Variants in TPO observed in about 807,000 individuals in gnomAD.
The protein encoded by TPO is thyroid peroxidase, also known as thyroid microsomal antigen.
Under a neutral mutation model 96.9 loss-of-function variants are expected in TPO, and 78 were observed. The ratio of observed to expected loss-of-function variants is 0.81; its 90% confidence interval spans 0.67 to 0.97. TPO has a LOEUF of 0.97. Among genes scored for constraint, TPO ranks in the 50% least tolerant of loss-of-function variants. TPO has a pLI of 0.00. For synonymous variants in TPO, 547 were observed against 538.0 expected (o/e 1.02, Z -0.23); for missense variants, 1,252 against 1,274.8 (o/e 0.98, Z 0.27).
intron 5 of TPO, among the ~76,000 whole-genome samples, chr2:1,441,191 G>A (rs1165809507): frequency 6.6e-6 from 1 of 152,084 alleles, no homozygotes; most frequent in African/African-American, 2.4e-5. Flanking sequence ...AATAGGGCAG[G>A]GTCCTTCTTG....
intron 3 of TPO, among the ~76,000 whole-genome samples, chr2:1,429,955 A>C (rs1234041663): frequency 6.6e-6 from 1 of 152,220 alleles, no homozygotes; most frequent in Non-Finnish European, 1.5e-5. Context: ...ACTTGATAGA[A>C]AACAATATCC....
At position 1,414,677 on chromosome 2, in the gene TPO, T is replaced by C. The variant is rs28909992; in HGVS notation, c.94+175T>C. 7.6e-3 allele frequency among the ~76,000 whole-genome samples: 1,160 copies of C among 152,314 alleles called. 14 individuals are homozygous for C. Among genetic ancestry groups the C allele is most frequent in the African/African-American group, 0.026 (1,063 of 41,562 alleles). On this transcript the variant is annotated intron_variant, in intron 2 of 16. Transcript: ENST00000329066. ...TTGATTTTAGAAGGATTGAAATATG[T>C]ACATTTCTTTCTTTAAAAAAGAGCT...
chr2:1,475,549 G>T (rs1018382693), intron 7 of TPO, among the ~76,000 whole-genome samples: 1 of 151,656 alleles, frequency 6.6e-6, no homozygotes, highest in Non-Finnish European at 1.5e-5. Context: ...TCAGCCTCCC[G>T]AGTAGCTGGG....
chr2:1,518,160 A>C (rs1167219557), intron 15 of TPO, among the ~76,000 whole-genome samples: 1 of 152,190 alleles, frequency 6.6e-6, no homozygotes, highest in Non-Finnish European at 1.5e-5. Context: ...TTCCCACTCT[A>C]AGGCCATCTT....
intron 15 of TPO, among the ~76,000 whole-genome samples, chr2:1,521,544 G>C (rs1675265934): frequency 6.6e-6 from 1 of 152,126 alleles, no homozygotes; most frequent in African/African-American, 2.4e-5. Flanking sequence ...GAGACGGCCT[G>C]AGTCTCTTGA....
intron 3 of TPO, among the ~76,000 whole-genome samples, chr2:1,432,449 C>T (rs187273565): frequency 1.3e-5 from 2 of 152,212 alleles, no homozygotes; most frequent in African/African-American, 4.8e-5. Flanking sequence ...AGGCCAGGTG[C>T]TTGTGTGGGA....
chr2:1,422,391 G>GCCTCTC (rs1663825579), intron 2 of TPO, among the ~76,000 whole-genome samples: 2 of 51,906 alleles, frequency 3.9e-5, no homozygotes, highest in African/African-American at 2.1e-4. Context: ...CAGGCGCCGC[G>GCCTCTC]CTGGGCCATG....
intron 7 of TPO, among the ~76,000 whole-genome samples, chr2:1,461,380 C>T (rs1342315075): frequency 6.6e-6 from 1 of 152,206 alleles, no homozygotes; most frequent in Non-Finnish European, 1.5e-5. Context: ...GATTTTAAAG[C>T]AAGTTAAAGA....
In TPO at chr2:1,413,539, A is replaced by G. The variant is rs183289800; in HGVS notation, c.-8A>G. 2 of 446,414 alleles carry G rather than the reference A, an allele frequency of 4.5e-6. No individual in the cohort carries two copies. Among genetic ancestry groups the G allele is most frequent in the Non-Finnish European group, 5.9e-6 (2 of 337,366 alleles). The allele number at this position is 446,414 out of a possible 1,614,324, so 27.7% of individuals were successfully genotyped here. A position where few individuals can be genotyped will look rare whatever the true frequency, so the allele number is the denominator to read the frequency against. On this transcript the variant is annotated 5_prime_UTR_variant, in exon 1 of 17. Coordinates refer to ENST00000329066, the MANE Select transcript of TPO (RefSeq NM_001206744.2). ...AGCAGTGCAGTTGGCTGAGAAGAGG[A>G]AAAAAGGTCAGGTTGTAAAGCTTTT...
intron 10 of TPO, among the ~76,000 whole-genome samples, chr2:1,490,077 C>T (rs1428695220): frequency 1.4e-5 from 1 of 74,032 alleles, no homozygotes; most frequent in South Asian, 6.4e-4. Flanking sequence ...GAGGGTCCCA[C>T]ACAGGGGGAG....
intron 3 of TPO, among the ~76,000 whole-genome samples, chr2:1,423,885 C>G (rs926344765): frequency 1.3e-5 from 2 of 152,156 alleles, no homozygotes; most frequent in African/African-American, 4.8e-5. Flanking sequence ...TTCTCATAAA[C>G]TCACGCACAC....
intron 1 of TPO, among the ~76,000 whole-genome samples, chr2:1,380,165 T>G: frequency 6.6e-6 from 1 of 151,984 alleles, no homozygotes; most frequent in East Asian, 1.9e-4. Context: ...GAGGCCGAGG[T>G]GGGCGGATCA....
chr2:1,408,886 C>T (rs1221063005), upstream of TPO, among the ~76,000 whole-genome samples: 1 of 152,162 alleles, frequency 6.6e-6, no homozygotes, highest in Admixed American at 6.5e-5. Context: ...ACATCTCCAC[C>T]TTTAGAAAGA....
chr2:1,526,967 A>G, intron 15 of TPO, among the ~76,000 whole-genome samples: 1 of 126,666 alleles, frequency 7.9e-6, no homozygotes, highest in African/African-American at 3.2e-5. Flanking sequence ...ACTCTGTGCA[A>G]CCTACTCAAA....
At chr2:1,384,715 C>A (rs1055722178) in intron 1 of TPO, among the ~76,000 whole-genome samples, 69 of 152,242 alleles carry the variant, frequency 4.5e-4, no homozygotes, top group African/African-American at 1.6e-3. Context: ...CTTTCTCCTG[C>A]CTGATTTCCC....
In TPO at chr2:1,540,666, A is replaced by C; in HGVS notation, c.2691A>C (p.Gly897=). 7 of 1,613,486 alleles carry C rather than the reference A, an allele frequency of 4.3e-6. No individual in the cohort carries two copies. The highest frequency in any genetic ancestry group is 5.9e-6 in the Non-Finnish European group (7 of 1,180,026). Residue 897 remains glycine (G), a synonymous_variant, in exon 16 of 17, where the codon GGA becomes GGC. Transcript: ENST00000329066. The part of the protein sequence containing the change: ...TGGGTPELRC[G]KHQAVGTSPQ... ...GAGGAACTCCCGAGCTGAGATGCGG[A>C]AAGCACCAGGCCGTAGGGACCTCAC... is the stretch of plus-strand genomic sequence containing the variant.
chr2:1,374,792 A>G (rs1285339454), intron 1 of TPO, among the ~76,000 whole-genome samples: 2 of 146,790 alleles, frequency 1.4e-5, no homozygotes, highest in African/African-American at 2.5e-5. Flanking sequence ...CAATGGCTCG[A>G]TCTCGGCCCA....
intron 13 of TPO, among the ~76,000 whole-genome samples, chr2:1,503,054 G>T (rs1304727314): frequency 6.6e-6 from 1 of 152,178 alleles, no homozygotes; most frequent in Non-Finnish European, 1.5e-5. Context: ...GCCGAGTCGG[G>T]GACCAAGACC....
At chr2:1,482,263 C>G (rs1236610880) in intron 8 of TPO, among the ~76,000 whole-genome samples, 1 of 152,186 alleles carries the variant, frequency 6.6e-6, no homozygotes, top group Non-Finnish European at 1.5e-5. Context: ...TTCCCGTCAC[C>G]TTCACGCCCA....
Sources: allele counts gnomAD v4.1 joint callset (sites outside exome capture counted in the v4.1 genomes callset), GRCh38; gene constraint gnomAD v4.1.1; transcripts MANE v1.5; gene names NCBI Gene and HGNC (gene_info 2026-07-23, HGNC 2026-07-21).